The following SEMA6D variants were observed in gnomAD, a reference collection of about 807,000 sequenced individuals.
SEMA6D encodes the protein semaphorin-6D.
Under a neutral mutation model 106.6 loss-of-function variants are expected in SEMA6D, and 35 were observed. The observed-to-expected ratio is 0.33, with a 90% CI of 0.25 to 0.44. The LOEUF (loss-of-function observed/expected upper bound fraction) is 0.44. SEMA6D is among the 20% of genes least tolerant of loss of function. The pLI, the probability that SEMA6D is intolerant of heterozygous loss-of-function variation, is 1.00. For synonymous variants in SEMA6D, 499 were observed against 487.7 expected, an observed-to-expected ratio of 1.02 and a Z score of -0.31; for missense variants, 1,185 against 1,345.9, an observed-to-expected ratio of 0.88 and a Z score of 1.87.
intron 1 of SEMA6D, among the ~76,000 whole-genome samples, chr15:47,410,175 G>C (rs947721192): frequency 5.9e-5 from 9 of 151,808 alleles, no homozygotes; most frequent in Admixed American, 3.3e-4. Flanking sequence ...GTAAAGAAGG[G>C]GTTTCTCCAT....
intron 1 of SEMA6D, chr15:47,396,629 GC>G (rs1390044986): frequency 2.0e-5 from 3 of 152,206 alleles, no homozygotes; most frequent in Non-Finnish European, 4.4e-5. Flanking sequence ...TCCTCTGCCT[GC>G]CTTTATCCTA....
chr15:47,524,298 G>A (rs947632259), intron 3 of SEMA6D, among the ~76,000 whole-genome samples: 1 of 152,180 alleles, frequency 6.6e-6, no homozygotes, highest in Non-Finnish European at 1.5e-5. Context: ...CTCCCCGGGA[G>A]ACTGGGAATT....
At chr15:47,304,519 C>G (rs2036158244) in intron 1 of SEMA6D, among the ~76,000 whole-genome samples, 1 of 132,904 alleles carries the variant, frequency 7.5e-6, no homozygotes, top group Non-Finnish European at 1.6e-5. Context: ...AGTCAGAAAA[C>G]AGACACAAAG....
At chr15:47,574,759 AC>A (rs948769777) in intron 3 of SEMA6D, among the ~76,000 whole-genome samples, 14 of 152,212 alleles carry the variant, frequency 9.2e-5, no homozygotes, top group Non-Finnish European at 1.6e-4. Flanking sequence ...TTTAAATAAA[AC>A]AATTATTGAC....
chr15:47,318,411 TC>T (rs2036778778), intron 1 of SEMA6D, among the ~76,000 whole-genome samples: 5 of 97,862 alleles, frequency 5.1e-5, no homozygotes, highest in Admixed American at 3.5e-4. Flanking sequence ...GTGCTATCCC[TC>T]CCCCCTCCCC....
At chr15:47,636,798 GC>G (rs2077396615) in intron 4 of SEMA6D, among the ~76,000 whole-genome samples, 1 of 152,146 alleles carries the variant, frequency 6.6e-6, no homozygotes, top group South Asian at 2.1e-4. Context: ...ATACAGAAGG[GC>G]CCTAGAACCC....
intron 1 of SEMA6D, among the ~76,000 whole-genome samples, chr15:47,258,955 CTTTA>C (rs1418131795): frequency 1.3e-5 from 2 of 151,674 alleles, no homozygotes; most frequent in East Asian, 1.9e-4. Context: ...AGAATTTCAT[CTTTA>C]TTTATTTAAT....
chr15:47,765,536 A>C, intron 13 of SEMA6D: 2 of 794,782 alleles, frequency 2.5e-6, no homozygotes, highest in Non-Finnish European at 3.1e-6. Flanking sequence ...GGGACTAAGG[A>C]GAGAACCAGA....
chr15:47,721,238 C>T (rs2079404880), intron 1 of SEMA6D, among the ~76,000 whole-genome samples: 1 of 152,202 alleles, frequency 6.6e-6, no homozygotes. Context: ...TTATTTTATT[C>T]TAGAGATTTT....
chr15:47,201,371 C>A (rs943317780), intron 1 of SEMA6D, among the ~76,000 whole-genome samples: 1 of 151,836 alleles, frequency 6.6e-6, no homozygotes. Context: ...AGAAATAGAG[C>A]GATAATGCTT....
intron 4 of SEMA6D, among the ~76,000 whole-genome samples, chr15:47,688,777 G>A (rs2078523936): frequency 1.3e-5 from 2 of 152,172 alleles, no homozygotes; most frequent in Non-Finnish European, 2.9e-5. Context: ...ACTGAAAGAT[G>A]AGGGATTGAC....
chr15:47,445,906 C>G (rs1375982807), intron 2 of SEMA6D, among the ~76,000 whole-genome samples: 1 of 152,108 alleles, frequency 6.6e-6, no homozygotes, highest in African/African-American at 2.4e-5. Context: ...TTACATCAGC[C>G]ATGTGCTGGC....
Position 47,428,273 on chromosome 15 carries a change from A to T in SEMA6D, c.-159+15801A>T, listed in dbSNP as rs77594812. Among the ~76,000 whole-genome samples, 393 of 152,254 alleles carry T rather than the reference A, an allele frequency of 2.6e-3. 4 individuals are homozygous for T. The highest frequency in any genetic ancestry group is 0.023 in the South Asian group (111 of 4,826). ...GACATATAAAGAGAAAAGAATAATG[A>T]GTTTATGTTGATCAAAGGTTTTACA... On this transcript the variant is annotated intron_variant, in intron 2 of 19. Coordinates refer to the SEMA6D transcript ENST00000558014.
chr15:47,379,628 T>A (rs1302019117), intron 1 of SEMA6D, among the ~76,000 whole-genome samples: 3 of 152,102 alleles, frequency 2.0e-5, no homozygotes, highest in Admixed American at 1.3e-4. Flanking sequence ...CTGGAAGAGG[T>A]GAACTTTAAA....
intron 4 of SEMA6D, among the ~76,000 whole-genome samples, chr15:47,707,388 A>G (rs1308131647): frequency 9.2e-5 from 14 of 152,260 alleles, no homozygotes; most frequent in Admixed American, 5.2e-4. Context: ...AATGATTTTT[A>G]TATAGTTTCA....
intron 1 of SEMA6D, among the ~76,000 whole-genome samples, chr15:47,398,867 A>T (rs2040305407): frequency 1.3e-5 from 2 of 152,136 alleles, no homozygotes; most frequent in South Asian, 4.1e-4. Context: ...GTGCACCATA[A>T]TGGGAAGGAA....
chr15:47,250,990 A>G (rs1206316873), intron 1 of SEMA6D, among the ~76,000 whole-genome samples: 1 of 152,186 alleles, frequency 6.6e-6, no homozygotes, highest in Non-Finnish European at 1.5e-5. Flanking sequence ...CTTGCTTCAC[A>G]TTTGCTTTTT....
At chr15:47,519,628 C>G (rs928140916) in intron 3 of SEMA6D, among the ~76,000 whole-genome samples, 4 of 152,218 alleles carry the variant, frequency 2.6e-5, no homozygotes, top group African/African-American at 9.6e-5. Flanking sequence ...GGCGCACCTA[C>G]TTGCCCAGGG....
intron 3 of SEMA6D, among the ~76,000 whole-genome samples, chr15:47,552,868 T>TATATATATAAATATATATATAAA (rs796427971): frequency 3.5e-5 from 2 of 57,214 alleles, no homozygotes; most frequent in Non-Finnish European, 5.4e-5. Context: ...ATATATATTT[T>TATATATATAAATATATATATAAA]TATATATATA....
Sources: allele counts gnomAD v4.1 joint callset (sites outside exome capture counted in the v4.1 genomes callset), GRCh38; gene constraint gnomAD v4.1.1; transcripts MANE v1.5; gene names NCBI Gene and HGNC (gene_info 2026-07-23, HGNC 2026-07-21).